The following TRIM54 variants were observed in gnomAD, a reference collection of about 807,000 sequenced individuals.
TRIM54 encodes the protein tripartite motif-containing protein 54.
A neutral mutation model predicts 42.0 loss-of-function variants in TRIM54; 40 were observed. That is an observed-to-expected ratio of 0.95 (90% CI 0.74 to 1.24). The LOEUF (loss-of-function observed/expected upper bound fraction) is 1.24, where lower values mean the gene tolerates loss of function less well. TRIM54 is among the 50% of genes most tolerant of loss of function. TRIM54 has a pLI of 0.00. For missense variants in TRIM54, 485 were observed against 480.3 expected (o/e 1.01, Z -0.09); for synonymous variants, 199 against 194.9 (o/e 1.02, Z -0.17).
chr2:27,299,675 C>CCTACCTAT (rs1678974003), intron 3 of TRIM54: 1 of 576,588 alleles, frequency 1.7e-6, no homozygotes, highest in Non-Finnish European at 3.1e-6. Context: ...CGCACTCAGC[C>CCTACCTAT]CTATCTATCT....
At chr2:27,299,146 G>T in intron 2 of TRIM54, 99 bp from the exon 3 acceptor site, 1 of 1,362,874 alleles carries the variant, frequency 7.3e-7, no homozygotes. Context: ...CTAGCTGCAG[G>T]GGCGGAGAAG....
At chr2:27,304,082 T>G (rs375946798) in intron 3 of TRIM54, among the ~76,000 whole-genome samples, 1 of 151,040 alleles carries the variant, frequency 6.6e-6, no homozygotes, top group Non-Finnish European at 1.5e-5. Flanking sequence ...CGTGGTGTCA[T>G]GCGCCTGTAG....
intron 3 of TRIM54, among the ~76,000 whole-genome samples, chr2:27,304,090 T>C (rs1174546311): frequency 6.6e-6 from 1 of 151,720 alleles, no homozygotes; most frequent in African/African-American, 2.4e-5. Context: ...CATGCGCCTG[T>C]AGTCCCAGCT....
rs570849259 is a variant in TRIM54, at chr2:27,285,280, A to G, written c.168+2381A>G. ...TTTAGTTTTTTCGCACATTGCCTCC[A>G]CATTTTGACAACTGTAGGCATAATC... On this transcript the variant is annotated intron_variant, in intron 1 of 8. Coordinates refer to ENST00000380075, the MANE Select transcript of TRIM54 (RefSeq NM_187841.3). Among the ~76,000 whole-genome samples the G allele has an allele frequency of 2.1e-4, 32 of 152,276 alleles. No homozygotes were observed. The South Asian group carries it at 6.4e-3, about 31-fold the overall frequency.
chr2:27,306,357 G>T lies in TRIM54; in HGVS notation c.991+20G>T. ...AGCCAGGTGAAGGAGGTGGCCGAGG[G>T]CCGCTGAGACGGGTTCGGACCCTCT... On this transcript the variant is annotated intron_variant, in intron 7 of 8. Transcript: ENST00000380075. The surrounding 1 kb of genome is among the most constrained non-coding windows in gnomAD (Gnocchi z 6.1). The T allele has an allele frequency of 6.2e-7, 1 of 1,614,044 alleles. No individual in the cohort carries two copies. Among genetic ancestry groups the T allele is most frequent in the African/African-American group, 1.3e-5 (1 of 75,076 alleles).
At position 27,283,763 on chromosome 2, in the gene TRIM54, G is replaced by GGCACACACGCACGCGCGCGCGC. The variant is rs1302528330; in HGVS notation, c.168+872_168+873insGCACGCGCGCGCGCGCACACAC. On this transcript the variant is annotated intron_variant, in intron 1 of 8. Coordinates refer to ENST00000380075, the MANE Select transcript of TRIM54 (RefSeq NM_187841.3). ...GAGATCAGGGAGAGTGAGGGGCAAA[G>GGCACACACGCACGCGCGCGCGC]GCACACACACACACACGCGCGCACA... is the stretch of plus-strand genomic sequence containing the variant. 2.2e-3 allele frequency among the ~76,000 whole-genome samples: 227 copies of GGCACACACGCACGCGCGCGCGC among 103,800 alleles called. 1 individual carries two copies. Among genetic ancestry groups the GGCACACACGCACGCGCGCGCGC allele is most frequent in the South Asian group, 3.5e-3 (9 of 2,590 alleles). 68.1% of individuals were successfully genotyped at this position (103,800 alleles called of 152,430 possible).
At chr2:27,287,466 C>CA (rs1256500031) in intron 1 of TRIM54, among the ~76,000 whole-genome samples, 1 of 151,872 alleles carries the variant, frequency 6.6e-6, no homozygotes, top group Admixed American at 6.6e-5. Flanking sequence ...CTCAGCCTCC[C>CA]AAAATGCCAG....
intron 1 of TRIM54, among the ~76,000 whole-genome samples, chr2:27,287,322 C>T (rs1394126302): frequency 6.6e-6 from 1 of 152,128 alleles, no homozygotes; most frequent in East Asian, 1.9e-4. Context: ...CCTACCTCAG[C>T]CCCCTGAGTA....
At chr2:27,299,614 G>A in intron 3 of TRIM54, 198 bp downstream of exon 3, 1 of 1,163,574 alleles carries the variant, frequency 8.6e-7, no homozygotes. Flanking sequence ...GAGCTCAAGT[G>A]ATCCTCCCAT....
intron 1 of TRIM54, among the ~76,000 whole-genome samples, chr2:27,298,248 A>G (rs1678921744): frequency 6.6e-6 from 1 of 152,132 alleles, no homozygotes; most frequent in Non-Finnish European, 1.5e-5. Flanking sequence ...CCTTATTGCC[A>G]AGACCAATGT....
At position 27,306,297 on chromosome 2, in the gene TRIM54, G is replaced by A. The variant is rs1178790023; in HGVS notation, c.951G>A (p.Glu317=). Residue 317 remains glutamate (E), a synonymous_variant, in exon 7 of 9, where the codon GAG becomes GAA. Transcript: ENST00000380075. The surrounding 1 kb of genome is among the most constrained non-coding windows in gnomAD (Gnocchi z 6.1). Reference sequence around the variant, plus strand: ...TGGAGCAATTCACCGTAAGGGTGGAGCACGTGGCCGAAATGCTGCGGACCA... The same window carrying A: ...TGGAGCAATTCACCGTAAGGGTGGAACACGTGGCCGAAATGCTGCGGACCA... ...ESMEQFTVRV[E]HVAEMLRTID... 3 of 1,614,182 alleles carry A rather than the reference G, an allele frequency of 1.9e-6. No homozygotes were observed. In the South Asian group the frequency reaches 3.3e-5, roughly 18 times the overall value.
In TRIM54 at chr2:27,307,077, T is replaced by A; in HGVS notation, c.*192T>A. ...GGCTTCGAAGGCGACCCGCCCACCATCCTGCCCTTCCCAGAACCTGAGACC... is the reference window on the plus strand; with the variant it reads ...GGCTTCGAAGGCGACCCGCCCACCAACCTGCCCTTCCCAGAACCTGAGACC... On this transcript the variant is annotated 3_prime_UTR_variant, in exon 9 of 9. Coordinates refer to ENST00000380075, the MANE Select transcript of TRIM54 (RefSeq NM_187841.3). This position sits in a 1 kb window ranked among gnomAD's most constrained non-coding sequence, Gnocchi z 6.9. 1 of 235,050 alleles carries A rather than the reference T, an allele frequency of 4.3e-6. No homozygotes were observed. Among genetic ancestry groups the A allele is most frequent in the Non-Finnish European group, 8.4e-6 (1 of 119,626 alleles). 14.6% of individuals were successfully genotyped at this position (235,050 alleles called of 1,614,324 possible).
intron 3 of TRIM54, among the ~76,000 whole-genome samples, chr2:27,301,807 C>G (rs540248966): frequency 6.6e-6 from 1 of 152,196 alleles, no homozygotes; most frequent in Non-Finnish European, 1.5e-5. Context: ...TGGAGTTGCT[C>G]TGGTTCAAAC....
At chr2:27,286,889 C>T (rs2148188657) in intron 1 of TRIM54, among the ~76,000 whole-genome samples, 1 of 152,296 alleles carries the variant, frequency 6.6e-6, no homozygotes, top group Non-Finnish European at 1.5e-5. Context: ...GAAGATCCTA[C>T]CCAGCCTGCC....
At chr2:27,298,306 C>G (rs575826302) in intron 1 of TRIM54, among the ~76,000 whole-genome samples, 13 of 152,186 alleles carry the variant, frequency 8.5e-5, no homozygotes, top group Non-Finnish European at 1.9e-4. Flanking sequence ...CCCATCCTGA[C>G]TATGCCTTGA....
At chr2:27,299,842 A>C (rs1301310913) in intron 3 of TRIM54, among the ~76,000 whole-genome samples, 1 of 152,012 alleles carries the variant, frequency 6.6e-6, no homozygotes, top group African/African-American at 2.4e-5. Flanking sequence ...AGTACCTGGG[A>C]TTACAGGCAT....
chr2:27,292,219 G>A (rs184883270), intron 1 of TRIM54, among the ~76,000 whole-genome samples: 2 of 152,332 alleles, frequency 1.3e-5, no homozygotes, highest in Non-Finnish European at 2.9e-5. Flanking sequence ...TCTGGCTGTG[G>A]GGAGTTTGAA....
In TRIM54 at chr2:27,305,847, C is replaced by T. The variant is rs761815377; in HGVS notation, c.843+30C>T. 1.2e-5 allele frequency: 19 copies of T among 1,535,696 alleles called. No homozygotes were observed. The East Asian group carries it at 2.9e-4, about 23-fold the overall frequency. The stretch of plus-strand genomic sequence containing the variant: ...GCTCTAGGGGAGGGTGGCAGCGCTG[C>T]ACAGTGGCTGGAGTCAGGGCCTTGG... On this transcript the variant is annotated intron_variant, in intron 5 of 8. Coordinates refer to ENST00000380075, the MANE Select transcript of TRIM54 (RefSeq NM_187841.3).
intron 3 of TRIM54, 144 bp downstream of exon 3, chr2:27,299,560 G>A: frequency 6.6e-7 from 1 of 1,519,630 alleles, no homozygotes; most frequent in Non-Finnish European, 8.8e-7. Context: ...GCCCAGGCTG[G>A]AGTGCAGTGG....
Sources: allele counts gnomAD v4.1 joint callset (sites outside exome capture counted in the v4.1 genomes callset), GRCh38; gene constraint gnomAD v4.1.1; non-coding constraint Gnocchi (gnomAD v3.1); transcripts MANE v1.5; gene names NCBI Gene and HGNC (gene_info 2026-07-23, HGNC 2026-07-21).